The following LSM14A variants were observed in gnomAD, a reference collection of about 807,000 sequenced individuals.
The protein encoded by LSM14A is protein LSM14 homolog A.
A neutral mutation model predicts 52.4 loss-of-function variants in LSM14A; 14 were observed. That is an observed-to-expected ratio of 0.27 (90% confidence interval 0.18 to 0.42). LSM14A has a LOEUF of 0.42. Among genes scored for constraint, LSM14A ranks in the 10% least tolerant of loss-of-function variants. The pLI is 1.00. For missense variants in LSM14A, 417 were observed against 581.8 expected (o/e 0.72, Z 2.91); for synonymous variants, 185 against 200.3 (o/e 0.92, Z 0.64).
chr19:34,228,173 C>T lies in LSM14A; in HGVS notation c.*785C>T, dbSNP rs1304955913. The T allele has an allele frequency of 6.6e-6, 1 of 152,430 alleles. No homozygotes were observed. The highest frequency in any genetic ancestry group is 1.5e-5 in the Non-Finnish European group (1 of 67,988). The allele number at this position is 152,430 out of a possible 1,614,324, so 9.4% of individuals were successfully genotyped here. ...GGTCTTTTTTTCTTAGTTTTCCAGG[C>T]TTAACATTTTTGATTTTGTTTTTTA... On this transcript the variant is annotated 3_prime_UTR_variant, in exon 10 of 10. Coordinates refer to ENST00000544216, the MANE Select transcript of LSM14A (RefSeq NM_015578.4).
chr19:34,183,468 T>C (rs1013362824), intron 1 of LSM14A, among the ~76,000 whole-genome samples: 10 of 152,054 alleles, frequency 6.6e-5, no homozygotes, highest in Non-Finnish European at 1.3e-4. Context: ...GGAGAATCGC[T>C]TGAACCCAGG....
In LSM14A at chr19:34,229,138, T is replaced by G. The variant is rs1343908251; in HGVS notation, c.*1750T>G. The G allele has an allele frequency of 1.3e-5, 2 of 152,230 alleles. No individual in the cohort carries two copies. The highest frequency in any genetic ancestry group is 1.5e-5 in the Non-Finnish European group (1 of 68,036). The allele number at this position is 152,230 out of a possible 1,614,324, so 9.4% of individuals were successfully genotyped here. The stretch of plus-strand genomic sequence containing the variant: ...ACTAGTTCTACTTGCTCTGAAATTA[T>G]GAGTTTATGCGTTTTCCCAGCCCTC... On this transcript the variant is annotated 3_prime_UTR_variant, in exon 10 of 10. Coordinates refer to ENST00000544216, the MANE Select transcript of LSM14A (RefSeq NM_015578.4).
chr19:34,225,772 A>G (rs891774401), intron 9 of LSM14A, among the ~76,000 whole-genome samples: 1 of 152,200 alleles, frequency 6.6e-6, no homozygotes, highest in South Asian at 2.1e-4. Context: ...TAAGGGTAAT[A>G]TTGTAAATAT....
chr19:34,208,818 G>A, intron 3 of LSM14A, 111 bp from the exon 4 acceptor site: 1 of 694,652 alleles, frequency 1.4e-6, no homozygotes, highest in Non-Finnish European at 2.3e-6. Context: ...TACAGATGCT[G>A]GGGGGAGAGG....
chr19:34,177,131 A>G (rs531188591), intron 1 of LSM14A, among the ~76,000 whole-genome samples: 33 of 152,262 alleles, frequency 2.2e-4, no homozygotes, highest in African/African-American at 7.9e-4. Context: ...AGAGTTCTGT[A>G]TTCTGAATAT....
At chr19:34,223,516 C>G (rs1265648290) in intron 9 of LSM14A, among the ~76,000 whole-genome samples, 3 of 152,268 alleles carry the variant, frequency 2.0e-5, no homozygotes, top group African/African-American at 4.8e-5. Flanking sequence ...GTCATCTCAG[C>G]TCTGCCTCCT....
chr19:34,223,464 T>C (rs1231719863), intron 9 of LSM14A, among the ~76,000 whole-genome samples: 1 of 152,240 alleles, frequency 6.6e-6, no homozygotes, highest in African/African-American at 2.4e-5. Flanking sequence ...TGCTGTCAGC[T>C]TAACCTTCCT....
At chr19:34,191,519 CT>C (rs1318721289) in intron 1 of LSM14A, among the ~76,000 whole-genome samples, 3 of 152,002 alleles carry the variant, frequency 2.0e-5, no homozygotes, top group African/African-American at 4.8e-5. Flanking sequence ...TCCTTTCCCT[CT>C]TTTCTTCCCT....
At chr19:34,198,644 G>T (rs1485836311) in intron 3 of LSM14A, among the ~76,000 whole-genome samples, 2 of 151,596 alleles carry the variant, frequency 1.3e-5, no homozygotes, top group Admixed American at 6.6e-5. Flanking sequence ...AAAACTGAAT[G>T]AATATAAACA....
At chr19:34,198,598 A>G (rs771515651) in intron 3 of LSM14A, among the ~76,000 whole-genome samples, 3 of 152,264 alleles carry the variant, frequency 2.0e-5, no homozygotes, top group Admixed American at 6.5e-5. Flanking sequence ...TCTAGGCCAC[A>G]ACAGCAAAAC....
chr19:34,192,310 C>CTTTTTTTTTTTTTTTTTTTTTT (rs1568479681), intron 1 of LSM14A, among the ~76,000 whole-genome samples: 3 of 51,650 alleles, frequency 5.8e-5, no homozygotes, highest in African/African-American at 1.4e-4. Flanking sequence ...AAATAACATT[C>CTTTTTTTTTTTTTTTTTTTTTT]TTTTTGTTGT....
intron 1 of LSM14A, 88 bp downstream of exon 1, chr19:34,172,851 TC>T: frequency 1.4e-6 from 2 of 1,395,238 alleles, no homozygotes; most frequent in Non-Finnish European, 1.9e-6. Context: ...CCTCGTTCCC[TC>T]CCCTCCCTCC....
rs1259580425 is a variant in LSM14A, at chr19:34,227,683, A to G, written c.*295A>G. On this transcript the variant is annotated 3_prime_UTR_variant, in exon 10 of 10. Coordinates refer to ENST00000544216, the MANE Select transcript of LSM14A (RefSeq NM_015578.4). ...AGTACTTCAGTGGGACTTAACAAGT[A>G]TTTTTTCATCACTGAAAGGTTTTTT... 2 of 316,348 alleles carry G rather than the reference A, an allele frequency of 6.3e-6. No individual in the cohort carries two copies. 19.6% of individuals were successfully genotyped at this position (316,348 alleles called of 1,614,324 possible).
intron 3 of LSM14A, among the ~76,000 whole-genome samples, chr19:34,204,236 A>G (rs1233524394): frequency 6.6e-6 from 1 of 152,266 alleles, no homozygotes; most frequent in Non-Finnish European, 1.5e-5. Context: ...ATGCTGGACC[A>G]TAAAATAAGT....
At chr19:34,211,446 C>T (rs2072144701) in intron 4 of LSM14A, among the ~76,000 whole-genome samples, 2 of 151,840 alleles carry the variant, frequency 1.3e-5, no homozygotes, top group African/African-American at 2.4e-5. Context: ...TGACCAACTT[C>T]TATGATAAAT....
intron 9 of LSM14A, among the ~76,000 whole-genome samples, chr19:34,222,934 TCA>T (rs1480271784): frequency 2.0e-5 from 3 of 152,216 alleles, no homozygotes. Context: ...AGTAGTATTT[TCA>T]CAAATATTTT....
chr19:34,204,813 T>C (rs2071560399), intron 3 of LSM14A, among the ~76,000 whole-genome samples: 1 of 152,194 alleles, frequency 6.6e-6, no homozygotes, highest in Non-Finnish European at 1.5e-5. Context: ...AAAATTTTCA[T>C]AGCTTTAAAT....
chr19:34,182,279 G>T (rs370688644), intron 1 of LSM14A, among the ~76,000 whole-genome samples: 10 of 152,166 alleles, frequency 6.6e-5, no homozygotes, highest in East Asian at 5.8e-4. Flanking sequence ...TCTTGTGCTT[G>T]ACTGGTTGGT....
rs1336570242 is a variant in LSM14A at position 34,225,741 on chromosome 19, G to A, written c.1369-1624G>A. 3.5e-4 allele frequency among the ~76,000 whole-genome samples: 54 copies of A among 152,144 alleles called. 1 individual carries two copies. ...TAACAAATCCAAAACTCACTCTCTT[G>A]ACTTGTGGCCTGATTTTCCTTAAGG... On this transcript the variant is annotated intron_variant, in intron 9 of 9. Coordinates refer to ENST00000544216, the MANE Select transcript of LSM14A (RefSeq NM_015578.4).
Sources: gnomAD v4.1 joint callset for allele counts (sites outside exome capture counted in the v4.1 genomes callset) on GRCh38, gnomAD v4.1.1 for gene constraint, MANE v1.5 for transcripts, NCBI Gene and HGNC (gene_info 2026-07-23, HGNC 2026-07-21) for gene names.